NECTIN3: variants seen among roughly 807,000 people sequenced by gnomAD.
NECTIN3 encodes the protein nectin-3.
A neutral mutation model predicts 49.4 loss-of-function variants in NECTIN3; 8 were observed. The ratio of observed to expected loss-of-function variants is 0.16; its 90% CI spans 0.10 to 0.29. The LOEUF is 0.29. Ranked by LOEUF, NECTIN3 falls within the 10% of genes least tolerant of loss-of-function variation. The pLI is 1.00. For missense variants in NECTIN3, 581 were observed against 654.6 expected (o/e 0.89, Z 1.23); for synonymous variants, 277 against 241.1 (o/e 1.15, Z -1.38).
rs1178159233 is a variant in NECTIN3, at chr3:111,136,361, T to A, written c.*2146T>A. ...ATTTGTGCGATTAGGTTTTTTTGTT[T>A]GTTTCTTTTGTGTTTGTTTGGCGGG... On this transcript the variant is annotated 3_prime_UTR_variant, in exon 6 of 6. Coordinates refer to ENST00000485303, the MANE Select transcript of NECTIN3 (RefSeq NM_015480.3). 2.0e-6 allele frequency: 2 copies of A among 984,612 alleles called. No homozygotes were observed. Among genetic ancestry groups the A allele is most frequent in the East Asian group, 2.3e-4 (2 of 8,818 alleles). 61.0% of individuals were successfully genotyped at this position (984,612 alleles called of 1,614,324 possible). A position where few individuals can be genotyped will look rare whatever the true frequency, so the allele number is the denominator to read the frequency against.
chr3:111,184,449 C>T (rs983339469), intron 7 of NECTIN3, among the ~76,000 whole-genome samples: 7 of 152,144 alleles, frequency 4.6e-5, no homozygotes, highest in Non-Finnish European at 1.0e-4. Context: ...TTTCTCTCTG[C>T]GTTGTATGCT....
chr3:111,160,133 G>A (rs532307228), intron 7 of NECTIN3, among the ~76,000 whole-genome samples: 1 of 152,206 alleles, frequency 6.6e-6, no homozygotes, highest in East Asian at 1.9e-4. Context: ...ATACTCCATG[G>A]TGGTAAGTGC....
chr3:111,156,793 A>G (rs778635335), intron 7 of NECTIN3, among the ~76,000 whole-genome samples: 3 of 152,128 alleles, frequency 2.0e-5, no homozygotes, highest in Non-Finnish European at 4.4e-5. Context: ...ACATGTTTTC[A>G]CCACTGGCTA....
chr3:111,159,789 C>G (rs1261770193), intron 7 of NECTIN3, among the ~76,000 whole-genome samples: 1 of 152,120 alleles, frequency 6.6e-6, no homozygotes, highest in Non-Finnish European at 1.5e-5. Flanking sequence ...AGAAATCTAC[C>G]TTCCTTTCAA....
At chr3:111,090,406 C>G (rs562760197) in intron 1 of NECTIN3, among the ~76,000 whole-genome samples, 1 of 152,142 alleles carries the variant, frequency 6.6e-6, no homozygotes, top group South Asian at 2.1e-4. Flanking sequence ...TCATGAACTA[C>G]CCTACTGTTA....
At chr3:111,072,528 G>A in intron 1 of NECTIN3, 2 of 1,535,944 alleles carry the variant, frequency 1.3e-6, no homozygotes, top group Non-Finnish European at 1.7e-6. Context: ...AAGGTGCCGG[G>A]ATGCACGTTT....
chr3:111,154,843 A>G (rs1440529059), intron 7 of NECTIN3, among the ~76,000 whole-genome samples: 6 of 152,088 alleles, frequency 3.9e-5, no homozygotes, highest in African/African-American at 1.4e-4. Flanking sequence ...TTTCTTATTG[A>G]AGAGTTTTGA....
chr3:111,174,732 G>A (rs1236208316), intron 7 of NECTIN3, among the ~76,000 whole-genome samples: 1 of 129,854 alleles, frequency 7.7e-6, no homozygotes, highest in African/African-American at 2.8e-5. Context: ...TTTGGGGGGT[G>A]GGGGGTGGGG....
intron 1 of NECTIN3, among the ~76,000 whole-genome samples, chr3:111,102,269 A>G (rs1209929262): frequency 6.6e-6 from 1 of 152,166 alleles, no homozygotes; most frequent in Non-Finnish European, 1.5e-5. Flanking sequence ...TCCCAGAGAA[A>G]TTAACTTTCC....
rs370858015 is a variant in NECTIN3 at position 111,091,446 on chromosome 3, G to T, written c.160+19269G>T. 4.6e-5 allele frequency among the ~76,000 whole-genome samples: 7 copies of T among 152,114 alleles called. No individual in the cohort carries two copies. The South Asian group carries it at 8.3e-4, about 18-fold the overall frequency. On this transcript the variant is annotated intron_variant, in intron 1 of 5. Coordinates refer to ENST00000485303, the MANE Select transcript of NECTIN3 (RefSeq NM_015480.3). The stretch of plus-strand genomic sequence containing the variant: ...TTTTGTATTTTTTAGTAGAGACGGG[G>T]TTTCACTGTGTTAGCCTGGATGGTC...
chr3:111,118,995 T>C lies in NECTIN3; in HGVS notation c.799+43T>C, dbSNP rs374798348. 1.5e-4 allele frequency: 213 copies of C among 1,466,246 alleles called. 1 individual carries two copies. In the African/African-American group the frequency reaches 2.7e-3, roughly 19 times the overall value. 90.8% of individuals were successfully genotyped at this position (1,466,246 alleles called of 1,614,324 possible). ...TTTACTTTTTAAATATTTGTCAGCA[T>C]GTTTATCAAACTATTTTTAGTTTGA... On this transcript the variant is annotated intron_variant, in intron 3 of 5. Coordinates refer to ENST00000485303, the MANE Select transcript of NECTIN3 (RefSeq NM_015480.3).
rs2033482650 is a variant in NECTIN3, at chr3:111,111,909, G to GCA, written c.161-121_161-120insCA. On this transcript the variant is annotated intron_variant, in intron 1 of 5. Coordinates refer to ENST00000485303, the MANE Select transcript of NECTIN3 (RefSeq NM_015480.3). The stretch of plus-strand genomic sequence containing the variant: ...TGTGTGTGTGTGTGCATGTGTGTGT[G>GCA]TGTGTGTGTGTGTGTGTGTGTGTGT... 4 of 331,048 alleles carry GCA rather than the reference G, an allele frequency of 1.2e-5. No homozygotes were observed. In the East Asian group the frequency reaches 4.0e-4, roughly 33 times the overall value. 20.5% of individuals were successfully genotyped at this position (331,048 alleles called of 1,614,324 possible).
upstream of NECTIN3, among the ~76,000 whole-genome samples, chr3:111,190,325 T>C (rs1449538765): frequency 6.6e-6 from 1 of 152,156 alleles, no homozygotes; most frequent in Non-Finnish European, 1.5e-5. Flanking sequence ...CCTTGACATA[T>C]GACATCAAGA....
At chr3:111,138,958 T>TA (rs1488482574), downstream of NECTIN3, among the ~76,000 whole-genome samples, 2 of 151,460 alleles carry the variant, frequency 1.3e-5, no homozygotes, top group African/African-American at 2.4e-5. Context: ...GGGCCTTTCT[T>TA]AAAAAACAAC....
chr3:111,168,022 C>G (rs925062481), intron 7 of NECTIN3, among the ~76,000 whole-genome samples: 1 of 152,010 alleles, frequency 6.6e-6, no homozygotes, highest in Non-Finnish European at 1.5e-5. Context: ...GTTGAGCATC[C>G]CTAATCTGAA....
chr3:111,177,979 G>A (rs1224075763), intron 7 of NECTIN3, among the ~76,000 whole-genome samples: 4 of 152,110 alleles, frequency 2.6e-5, no homozygotes, highest in African/African-American at 7.2e-5. Context: ...TCACTTTCTT[G>A]TGTATTTTAA....
chr3:111,107,496 C>T (rs1245592023), intron 1 of NECTIN3, among the ~76,000 whole-genome samples: 1 of 152,098 alleles, frequency 6.6e-6, no homozygotes, highest in Non-Finnish European at 1.5e-5. Context: ...GCCAGGACCA[C>T]CTTATGACAA....
intron 2 of NECTIN3, among the ~76,000 whole-genome samples, chr3:111,118,284 T>TATATATATATATA (rs1559789405): frequency 9.5e-4 from 47 of 49,532 alleles, no homozygotes; most frequent in African/African-American, 1.6e-3. Flanking sequence ...ATATATATAT[T>TATATATATATATA]ATACATATAT....
chr3:111,144,432 A>C (rs1255847492), intron 5 of NECTIN3, among the ~76,000 whole-genome samples: 1 of 150,712 alleles, frequency 6.6e-6, no homozygotes, highest in African/African-American at 2.5e-5. Context: ...ATTTTTTTTG[A>C]TCTGGGATAT....
Sources: gnomAD v4.1 joint callset for allele counts (sites outside exome capture counted in the v4.1 genomes callset) on GRCh38, gnomAD v4.1.1 for gene constraint, MANE v1.5 for transcripts, NCBI Gene and HGNC (gene_info 2026-07-23, HGNC 2026-07-21) for gene names.